The following NBEA variants were observed in gnomAD, a reference collection of about 807,000 sequenced individuals.
NBEA encodes the protein lysosomal-trafficking regulator 2.
NBEA carries 44 observed loss-of-function variants against 343.4 expected under a neutral mutation model. That is an observed-to-expected ratio of 0.13 (90% CI 0.10 to 0.16). The LOEUF (loss-of-function observed/expected upper bound fraction) is 0.16, where lower values mean the gene tolerates loss of function less well. NBEA is among the 10% of genes least tolerant of loss of function. NBEA has a pLI of 1.00. For missense variants in NBEA, 2,555 were observed against 3,631.3 expected (o/e 0.70, Z 7.62); for synonymous variants, 1,175 against 1,238.7 (o/e 0.95, Z 1.08).
chr13:35,568,459 T>C (rs1413588738), intron 45 of NBEA, among the ~76,000 whole-genome samples: 1 of 152,184 alleles, frequency 6.6e-6, no homozygotes, highest in African/African-American at 2.4e-5. Flanking sequence ...CATATTCAGG[T>C]AACTAAATTA....
intron 48 of NBEA, 98 bp from the exon 49 acceptor site, chr13:35,627,983 C>T: frequency 3.4e-6 from 3 of 879,380 alleles, no homozygotes; most frequent in East Asian, 5.7e-5. Flanking sequence ...AGAGCATATT[C>T]TCCTTTTTAT....
At chr13:35,466,983 T>G (rs947500092) in intron 40 of NBEA, among the ~76,000 whole-genome samples, 4 of 152,238 alleles carry the variant, frequency 2.6e-5, no homozygotes, top group African/African-American at 9.6e-5. Context: ...TTACAGTATT[T>G]TTTCTAGAAC....
intron 13 of NBEA, among the ~76,000 whole-genome samples, chr13:35,115,709 T>C (rs1207718873): frequency 1.3e-5 from 2 of 152,222 alleles, no homozygotes; most frequent in Non-Finnish European, 2.9e-5. Context: ...TATATATTTC[T>C]TTGCAACATG....
intron 1 of NBEA, among the ~76,000 whole-genome samples, chr13:35,034,017 G>A (rs372853838): frequency 1.6e-4 from 24 of 151,442 alleles, no homozygotes; most frequent in African/African-American, 5.6e-4. Flanking sequence ...GTATAATTAT[G>A]CTAACTGGGA....
At chr13:35,396,015 T>C (rs1489612867) in intron 38 of NBEA, among the ~76,000 whole-genome samples, 1 of 152,176 alleles carries the variant, frequency 6.6e-6, no homozygotes, top group African/African-American at 2.4e-5. Context: ...CACTCATCTG[T>C]GTCTATGTTT....
At chr13:35,535,080 G>T (rs994659203) in intron 41 of NBEA, among the ~76,000 whole-genome samples, 2 of 150,292 alleles carry the variant, frequency 1.3e-5, no homozygotes, top group Non-Finnish European at 3.0e-5. Flanking sequence ...CTGCAAGTCG[G>T]GTAATCTCTA....
Position 35,474,989 on chromosome 13 carries a change from T to G in NBEA, c.6585+2453T>G, listed in dbSNP as rs866917066. 10 of 1,488,898 alleles carry G rather than the reference T, an allele frequency of 6.7e-6. No homozygotes were observed. The South Asian group carries it at 1.1e-4, about 16-fold the overall frequency. 92.2% of individuals were successfully genotyped at this position (1,488,898 alleles called of 1,614,324 possible). A position where few individuals can be genotyped will look rare whatever the true frequency, so the allele number is the denominator to read the frequency against. ...CACTGCGGAGTGGAATATTAGGAAT[T>G]GAACAGAAGTTTACACTTAATAAGG... On this transcript the variant is annotated intron_variant, in intron 41 of 58. Transcript: ENST00000379939.
chr13:35,648,180 CTTTTTTTTTTT>C (rs949635885), intron 51 of NBEA, among the ~76,000 whole-genome samples: 44 of 104,182 alleles, frequency 4.2e-4, no homozygotes, highest in Middle Eastern at 5.6e-3. Flanking sequence ...TGTTTAAACT[CTTTTTTTTTTT>C]TTTTTTTTTT....
chr13:35,268,825 A>C (rs1231310995), intron 34 of NBEA, among the ~76,000 whole-genome samples: 1 of 152,122 alleles, frequency 6.6e-6, no homozygotes, highest in East Asian at 1.9e-4. Context: ...CATCACTTGC[A>C]AAAATAGACA....
At chr13:35,619,993 G>T (rs2082909617) in intron 48 of NBEA, among the ~76,000 whole-genome samples, 3 of 152,034 alleles carry the variant, frequency 2.0e-5, no homozygotes. Context: ...ATCCTGCTCT[G>T]GGCTCTGGGA....
intron 48 of NBEA, among the ~76,000 whole-genome samples, chr13:35,618,670 C>T (rs2082845986): frequency 6.6e-6 from 1 of 152,122 alleles, no homozygotes; most frequent in Admixed American, 6.6e-5. Flanking sequence ...TGAAGCTAGG[C>T]TTATTAGACT....
intron 49 of NBEA, among the ~76,000 whole-genome samples, chr13:35,628,802 C>T (rs2083335024): frequency 6.6e-6 from 1 of 152,098 alleles, no homozygotes; most frequent in Non-Finnish European, 1.5e-5. Context: ...TGTGTGGTCC[C>T]AGCTACTGTG....
Position 35,667,586 on chromosome 13 carries a change from T to G in NBEA, c.8661+16T>G. The G allele has an allele frequency of 6.2e-7, 1 of 1,609,366 alleles. No individual in the cohort carries two copies. The highest frequency in any genetic ancestry group is 8.5e-7 in the Non-Finnish European group (1 of 1,175,976). On this transcript the variant is annotated intron_variant, in intron 57 of 58. Transcript: ENST00000379939. ...TTCAACACGGGTAAATCTGCATAGT[T>G]CGTGCTAAGTAGGACTGAAGCCAAG...
At chr13:35,617,282 A>G (rs1004913969) in intron 48 of NBEA, among the ~76,000 whole-genome samples, 2 of 152,196 alleles carry the variant, frequency 1.3e-5, no homozygotes, top group African/African-American at 4.8e-5. Flanking sequence ...ACTTTATTCC[A>G]TGGAGCGAAA....
intron 40 of NBEA, among the ~76,000 whole-genome samples, chr13:35,457,005 G>T (rs1468057018): frequency 1.3e-5 from 2 of 150,566 alleles, no homozygotes; most frequent in African/African-American, 2.4e-5. Flanking sequence ...TAGATATATA[G>T]ATATAGATAT....
chr13:35,066,598 A>G (rs2063661557), intron 8 of NBEA, among the ~76,000 whole-genome samples: 1 of 152,120 alleles, frequency 6.6e-6, no homozygotes, highest in Non-Finnish European at 1.5e-5. Flanking sequence ...GTCCGATATT[A>G]GCACAGCCAT....
chr13:34,959,519 T>G (rs1334755807), intron 1 of NBEA, among the ~76,000 whole-genome samples: 1 of 152,104 alleles, frequency 6.6e-6, no homozygotes, highest in Non-Finnish European at 1.5e-5. Context: ...TAACAGTTTC[T>G]CATCCAGGCC....
At chr13:35,118,600 G>C in intron 16 of NBEA, 126 bp downstream of exon 16, 1 of 681,968 alleles carries the variant, frequency 1.5e-6, no homozygotes, top group Non-Finnish European at 2.4e-6. Flanking sequence ...AGAATAAATG[G>C]AGAATGCTGC....
intron 38 of NBEA, among the ~76,000 whole-genome samples, chr13:35,431,282 T>G (rs2045093721): frequency 1.3e-5 from 2 of 152,108 alleles, no homozygotes; most frequent in Non-Finnish European, 2.9e-5. Flanking sequence ...AATGAAATCT[T>G]CTAGGAAAGT....
Sources: allele counts gnomAD v4.1 joint callset (sites outside exome capture counted in the v4.1 genomes callset), GRCh38; gene constraint gnomAD v4.1.1; transcripts MANE v1.5; gene names NCBI Gene and HGNC (gene_info 2026-07-23, HGNC 2026-07-21).